The following ARHGEF10L variants were observed in gnomAD, a reference collection of about 807,000 sequenced individuals.
ARHGEF10L encodes the protein rho guanine nucleotide exchange factor 10-like protein.
In ARHGEF10L, 69 loss-of-function variants were observed where a neutral mutation model predicts 141.2. The observed-to-expected ratio is 0.49, with a 90% CI of 0.40 to 0.60. The LOEUF (loss-of-function observed/expected upper bound fraction) is 0.60, where lower values mean the gene tolerates loss of function less well. Ranked by LOEUF, ARHGEF10L falls within the 20% of genes least tolerant of loss-of-function variation. ARHGEF10L has a pLI of 0.00. For synonymous variants in ARHGEF10L, 711 were observed against 718.5 expected, an observed-to-expected ratio of 0.99 and a Z score of 0.17; for missense variants, 1,482 against 1,734.3, an observed-to-expected ratio of 0.85 and a Z score of 2.58.
chr1:17,532,802 C>G, the ARHGEF10L span, among the ~76,000 whole-genome samples: 1 of 152,004 alleles, frequency 6.6e-6, no homozygotes, highest in Non-Finnish European at 1.5e-5. Context: ...CCTATATTGG[C>G]CAGGCTCGTC....
the ARHGEF10L span, among the ~76,000 whole-genome samples, chr1:17,534,121 C>G: frequency 6.6e-6 from 1 of 151,666 alleles, no homozygotes. Context: ...GCCACCACAC[C>G]TAGCTAATTT....
chr1:17,582,551 C>T (rs2078665307), intron 2 of ARHGEF10L, among the ~76,000 whole-genome samples: 1 of 152,254 alleles, frequency 6.6e-6, no homozygotes, highest in African/African-American at 2.4e-5. Flanking sequence ...CGCGTGTCTT[C>T]AGCACCCCCG....
rs561116569 is a variant in ARHGEF10L at position 17,634,719 on chromosome 1, T to TG, written c.1746-115dup. 2.4e-4 allele frequency: 354 copies of TG among 1,458,298 alleles called. 2 individuals are homozygous for TG. The East Asian group carries it at 8.5e-3, about 35-fold the overall frequency. The allele number at this position is 1,458,298 out of a possible 1,614,324, so 90.3% of individuals were successfully genotyped here. Reference sequence around the variant, plus strand: ...CTGGCTTGGTTTTGGTCTGAGGTCTTGCGCTGGGGCTGCGTGAAGCCTGGC... The same window carrying TG: ...CTGGCTTGGTTTTGGTCTGAGGTCTTGGCGCTGGGGCTGCGTGAAGCCTGGC... On this transcript the variant is annotated intron_variant, in intron 17 of 28. Transcript: ENST00000361221.
chr1:17,514,016 G>T, the ARHGEF10L span, among the ~76,000 whole-genome samples: 1 of 150,904 alleles, frequency 6.6e-6, no homozygotes, highest in East Asian at 1.9e-4. Context: ...TAGAGACAGG[G>T]TTTCTCCATG....
rs771177117 is a variant in ARHGEF10L at position 17,648,525 on chromosome 1, C to T, written c.2273-29C>T. Reference sequence around the variant, plus strand: ...CAGTTGGTCCTTGGACTCTGACCAGCTCTACCCACCTCCTTCCTCTTGCTG... The same window carrying T: ...CAGTTGGTCCTTGGACTCTGACCAGTTCTACCCACCTCCTTCCTCTTGCTG... On this transcript the variant is annotated intron_variant, in intron 21 of 28. Coordinates refer to ENST00000361221, the MANE Select transcript of ARHGEF10L (RefSeq NM_018125.4). 5 of 1,612,446 alleles carry T rather than the reference C, an allele frequency of 3.1e-6. No homozygotes were observed. The South Asian group carries it at 4.4e-5, about 14-fold the overall frequency.
intron 26 of ARHGEF10L, among the ~76,000 whole-genome samples, chr1:17,675,491 G>A (rs770518672): frequency 3.3e-5 from 5 of 151,506 alleles, no homozygotes; most frequent in Non-Finnish European, 5.9e-5. Context: ...GCAGGTGTGT[G>A]TGTATAGGTG....
At chr1:17,581,981 C>A (rs541950928) in intron 2 of ARHGEF10L, among the ~76,000 whole-genome samples, 4 of 152,112 alleles carry the variant, frequency 2.6e-5, no homozygotes, top group Non-Finnish European at 5.9e-5. Flanking sequence ...TATTTTCTCA[C>A]AAGGACCGGG....
At chr1:17,681,003 C>G (rs2064091006) in intron 26 of ARHGEF10L, among the ~76,000 whole-genome samples, 1 of 152,074 alleles carries the variant, frequency 6.6e-6, no homozygotes, top group East Asian at 1.9e-4. Flanking sequence ...GAACTGCTGA[C>G]CTCAAGTGAT....
rs1328955361 is a variant in ARHGEF10L at position 17,556,257 on chromosome 1, C to G, written c.-44+16307C>G. Among the ~76,000 whole-genome samples, 11 of 36,218 alleles carry G rather than the reference C, an allele frequency of 3.0e-4. No individual in the cohort carries two copies. The South Asian group carries it at 0.012, about 39-fold the overall frequency. The allele number at this position is 36,218 out of a possible 152,430, so 23.8% of individuals were successfully genotyped here. On this transcript the variant is annotated intron_variant, in intron 1 of 28. Coordinates refer to ENST00000361221, the MANE Select transcript of ARHGEF10L (RefSeq NM_018125.4). The stretch of plus-strand genomic sequence containing the variant: ...TGAGCCTGGGAGCATAGAGGTGGGC[C>G]TGGGAGCATGGCGGCGGGGGGGGGG...
Position 17,623,004 on chromosome 1 carries a change from C to T in ARHGEF10L, c.1029C>T (p.Arg343=), listed in dbSNP as rs751878095. 7 of 1,612,634 alleles carry T rather than the reference C, an allele frequency of 4.3e-6. No individual in the cohort carries two copies. The South Asian group carries it at 6.6e-5, about 15-fold the overall frequency. Residue 343 remains arginine (R), a synonymous_variant, in exon 12 of 29, where the codon CGC becomes CGT. Coordinates refer to ENST00000361221, the MANE Select transcript of ARHGEF10L (RefSeq NM_018125.4). This position sits in a 1 kb window ranked among gnomAD's most constrained non-coding sequence, Gnocchi z 4.7. The stretch of plus-strand genomic sequence containing the variant: ...CCCGCCCTCCCCGGCAGGACTACCG[C>T]AACCCCCTGATGGAGATGGAGCCCA... ...ESLKRILQDY[R]NPLMEMEPKA...
At chr1:17,620,755 C>A (rs78646552) in intron 10 of ARHGEF10L, among the ~76,000 whole-genome samples, 7,199 of 152,190 alleles carry the variant, frequency 0.047, 271 homozygotes, top group Non-Finnish European at 0.073. Context: ...CACCTCCCAA[C>A]CCGAGATCGA....
intron 1 of ARHGEF10L, among the ~76,000 whole-genome samples, chr1:17,579,851 G>A (rs1214237358): frequency 6.6e-6 from 1 of 152,240 alleles, no homozygotes; most frequent in East Asian, 1.9e-4. Flanking sequence ...GCCCACCGGA[G>A]GCATCAGCCT....
chr1:17,553,038 G>A (rs529335626), intron 1 of ARHGEF10L, among the ~76,000 whole-genome samples: 1 of 152,272 alleles, frequency 6.6e-6, no homozygotes, highest in Admixed American at 6.5e-5. Context: ...GTTTTATCAC[G>A]AAGACTTGGA....
chr1:17,554,054 C>G (rs1217463441), intron 1 of ARHGEF10L, among the ~76,000 whole-genome samples: 1 of 152,178 alleles, frequency 6.6e-6, no homozygotes, highest in Non-Finnish European at 1.5e-5. Context: ...GATACGTTTG[C>G]TAGGTGCTTC....
chr1:17,553,091 A>C (rs1405763702), intron 1 of ARHGEF10L, among the ~76,000 whole-genome samples: 1 of 152,180 alleles, frequency 6.6e-6, no homozygotes, highest in Non-Finnish European at 1.5e-5. Flanking sequence ...CTTTCAGCCA[A>C]GTGGGGCAGA....
At chr1:17,596,370 G>T (rs114956526) in intron 4 of ARHGEF10L, among the ~76,000 whole-genome samples, 3,412 of 152,246 alleles carry the variant, frequency 0.022, 137 homozygotes, top group African/African-American at 0.078. Context: ...CGAGGCGGGC[G>T]GTGACACTGT....
At chr1:17,622,021 G>C (rs542253874) in intron 11 of ARHGEF10L, 80 bp downstream of exon 11, 2 of 1,471,394 alleles carry the variant, frequency 1.4e-6, no homozygotes, top group East Asian at 2.3e-5. Context: ...CGGAGTGTTT[G>C]GGGACTGTGG....
intron 27 of ARHGEF10L, among the ~76,000 whole-genome samples, chr1:17,688,532 T>C (rs1027975372): frequency 6.6e-6 from 1 of 152,172 alleles, no homozygotes; most frequent in Non-Finnish European, 1.5e-5. Flanking sequence ...GCGGCCAGTG[T>C]GGGAGGGTGC....
At chr1:17,690,219 T>G (rs747161985) in intron 27 of ARHGEF10L, among the ~76,000 whole-genome samples, 3 of 152,214 alleles carry the variant, frequency 2.0e-5, no homozygotes, top group Non-Finnish European at 2.9e-5. Flanking sequence ...GGGCTGAGAT[T>G]TGAGTCAGCT....
Sources: gnomAD v4.1 joint callset for allele counts (sites outside exome capture counted in the v4.1 genomes callset) on GRCh38, gnomAD v4.1.1 for gene constraint, Gnocchi (gnomAD v3.1) non-coding constraint, MANE v1.5 for transcripts, NCBI Gene and HGNC (gene_info 2026-07-23, HGNC 2026-07-21) for gene names.